FRMD5: variants seen among roughly 807,000 people sequenced by gnomAD.
The protein encoded by FRMD5 is FERM domain containing 5.
Under a neutral mutation model 69.0 loss-of-function variants are expected in FRMD5, and 20 were observed. That is an observed-to-expected ratio of 0.29 (90% CI 0.20 to 0.42). The LOEUF is 0.42. Ranked by LOEUF, FRMD5 falls within the 10% of genes least tolerant of loss-of-function variation. The probability of loss-of-function intolerance (pLI) is 1.00; values close to 1 mark genes in which losing one functional copy is unlikely to be tolerated. For synonymous variants in FRMD5, 271 were observed against 260.1 expected (o/e 1.04, Z -0.40); for missense variants, 595 against 708.6 (o/e 0.84, Z 1.82).
intron 1 of FRMD5, among the ~76,000 whole-genome samples, chr15:44,051,637 A>AAT (rs972183554): frequency 1.3e-5 from 2 of 152,148 alleles, no homozygotes; most frequent in African/African-American, 4.8e-5. Flanking sequence ...AGGATCTCAC[A>AAT]ATATATTCTG....
At chr15:43,973,264 C>T (rs1436253743) in intron 1 of FRMD5, among the ~76,000 whole-genome samples, 1 of 151,688 alleles carries the variant, frequency 6.6e-6, no homozygotes, top group African/African-American at 2.4e-5. Flanking sequence ...CCTCATGATC[C>T]GCCTGCCTCG....
At position 43,902,020 on chromosome 15, in the gene FRMD5, G is replaced by T; in HGVS notation, c.639+155C>A. On this transcript the variant is annotated intron_variant, in intron 7 of 13. Transcript: ENST00000417257. The stretch of plus-strand genomic sequence containing the variant: ...AAAATTATGTAGCATGTGATCCAGA[G>T]GAGTTTTCAAAGCAGGCATTTTCTC... 1.2e-5 allele frequency: 8 copies of T among 659,020 alleles called. No homozygotes were observed. The Middle Eastern group carries it at 3.5e-3, about 286-fold the overall frequency. 40.8% of individuals were successfully genotyped at this position (659,020 alleles called of 1,614,324 possible).
At chr15:43,954,154 T>C (rs1194374047) in intron 1 of FRMD5, among the ~76,000 whole-genome samples, 1 of 152,202 alleles carries the variant, frequency 6.6e-6, no homozygotes, top group Non-Finnish European at 1.5e-5. Flanking sequence ...GAAAGGGCTA[T>C]TCAGTTTGTG....
At chr15:43,891,898 TCA>T in intron 8 of FRMD5, 81 bp downstream of exon 8, 1 of 1,148,792 alleles carries the variant, frequency 8.7e-7, no homozygotes, top group Non-Finnish European at 1.3e-6. Context: ...AACTGCCCAA[TCA>T]CAGACAAAGG....
Position 44,102,906 on chromosome 15 carries a change from T to G in FRMD5, c.102+92047A>C, listed in dbSNP as rs138824168. On this transcript the variant is annotated intron_variant, in intron 1 of 13. Coordinates refer to ENST00000417257, the MANE Select transcript of FRMD5 (RefSeq NM_032892.5). ...AGTCACAGCCTTCTGCTCTGAGGCT[T>G]GGAGACCTAAAAGGAATGAAAAGGG... is the stretch of plus-strand genomic sequence containing the variant. Among the ~76,000 whole-genome samples the G allele has an allele frequency of 1.1e-3, 172 of 152,292 alleles. 1 individual carries two copies. The highest frequency in any genetic ancestry group is 3.9e-3 in the African/African-American group (162 of 41,570).
intron 8 of FRMD5, 64 bp downstream of exon 8, chr15:43,891,917 G>T: frequency 7.4e-7 from 1 of 1,359,460 alleles, no homozygotes; most frequent in Non-Finnish European, 1.0e-6. Context: ...AAGGACACGG[G>T]AACCGTCGCC....
At chr15:43,982,875 C>T (rs868391862) in intron 1 of FRMD5, among the ~76,000 whole-genome samples, 36 of 152,130 alleles carry the variant, frequency 2.4e-4, no homozygotes, top group African/African-American at 8.2e-4. Flanking sequence ...TGTGAACCTT[C>T]AGTTGGAAAG....
At chr15:43,964,768 T>A (rs934803166) in intron 1 of FRMD5, among the ~76,000 whole-genome samples, 6 of 152,178 alleles carry the variant, frequency 3.9e-5, no homozygotes, top group Non-Finnish European at 8.8e-5. Context: ...TTGACAACAT[T>A]GTGATTTATG....
At chr15:44,113,653 ATTCT>A (rs1433310042) in intron 1 of FRMD5, among the ~76,000 whole-genome samples, 1 of 152,110 alleles carries the variant, frequency 6.6e-6, no homozygotes, top group Non-Finnish European at 1.5e-5. Flanking sequence ...GGTCTTATTC[ATTCT>A]TTCTAACAAC....
At chr15:44,080,854 G>A (rs907154572) in intron 1 of FRMD5, among the ~76,000 whole-genome samples, 2 of 152,010 alleles carry the variant, frequency 1.3e-5, no homozygotes, top group Non-Finnish European at 2.9e-5. Flanking sequence ...TGAAATTTAT[G>A]AATTTCCTCT....
chr15:44,097,122 G>A (rs529715375), intron 1 of FRMD5, among the ~76,000 whole-genome samples: 115 of 152,318 alleles, frequency 7.5e-4, no homozygotes, highest in Middle Eastern at 3.4e-3. Flanking sequence ...TATGGAACAT[G>A]CAGGATTTTT....
intron 1 of FRMD5, among the ~76,000 whole-genome samples, chr15:44,027,627 C>T (rs921181140): frequency 2.1e-5 from 3 of 145,288 alleles, no homozygotes; most frequent in East Asian, 4.0e-4. Context: ...CCTGTGCTGA[C>T]TTTCTTTTCT....
At chr15:44,119,375 G>A (rs2053226468) in intron 1 of FRMD5, among the ~76,000 whole-genome samples, 1 of 152,128 alleles carries the variant, frequency 6.6e-6, no homozygotes, top group African/African-American at 2.4e-5. Flanking sequence ...AGGTAAGCAA[G>A]GCTACTGACT....
At chr15:43,875,429 G>C (rs144286974) in intron 13 of FRMD5, among the ~76,000 whole-genome samples, 1 of 147,096 alleles carries the variant, frequency 6.8e-6, no homozygotes, top group Non-Finnish European at 1.5e-5. Flanking sequence ...AGAAATCACA[G>C]TGGCCATTTT....
chr15:44,036,697 AT>A (rs1891928908), intron 1 of FRMD5, among the ~76,000 whole-genome samples: 2 of 152,182 alleles, frequency 1.3e-5, no homozygotes, highest in African/African-American at 4.8e-5. Context: ...ATTCTCTTGG[AT>A]TTTTCTAATA....
At chr15:44,078,656 A>G (rs1893872605) in intron 1 of FRMD5, among the ~76,000 whole-genome samples, 1 of 152,166 alleles carries the variant, frequency 6.6e-6, no homozygotes, top group Non-Finnish European at 1.5e-5. Context: ...TGGCCAAATT[A>G]TTTTTCAACA....
intron 1 of FRMD5, among the ~76,000 whole-genome samples, chr15:43,954,237 C>T (rs1026198231): frequency 2.6e-5 from 4 of 152,218 alleles, no homozygotes; most frequent in Admixed American, 6.5e-5. Flanking sequence ...TGATTCAGGA[C>T]GTTCTTCTGG....
intron 1 of FRMD5, among the ~76,000 whole-genome samples, chr15:43,940,615 A>G (rs2140486604): frequency 6.6e-6 from 1 of 152,346 alleles, no homozygotes; most frequent in East Asian, 1.9e-4. Context: ...CAAATGCCAC[A>G]TGGTGAAGGG....
chr15:43,873,633 G>A lies in FRMD5; in HGVS notation c.*252C>T. The A allele has an allele frequency of 6.8e-7, 1 of 1,479,068 alleles. No homozygotes were observed. Among genetic ancestry groups the A allele is most frequent in the Non-Finnish European group, 8.9e-7 (1 of 1,125,110 alleles). 91.6% of individuals were successfully genotyped at this position (1,479,068 alleles called of 1,614,324 possible). On this transcript the variant is annotated 3_prime_UTR_variant, in exon 14 of 14. Transcript: ENST00000417257. Reference sequence around the variant, plus strand: ...AAATTATCCTGCAAATTGGAAAGATGAGAAACAGAGTCGCTGAGCCTTTCT... The same window carrying A: ...AAATTATCCTGCAAATTGGAAAGATAAGAAACAGAGTCGCTGAGCCTTTCT...
Sources: allele counts gnomAD v4.1 joint callset (sites outside exome capture counted in the v4.1 genomes callset), GRCh38; gene constraint gnomAD v4.1.1; transcripts MANE v1.5; gene names NCBI Gene and HGNC (gene_info 2026-07-23, HGNC 2026-07-21).